PRELID2: variants seen among roughly 807,000 people sequenced by gnomAD.
PRELID2 encodes PRELI domain containing 2, also known as PRELI domain-containing protein 2.
PRELID2 carries 25 observed loss-of-function variants against 28.4 expected under a neutral mutation model. That is an observed-to-expected ratio of 0.88 (90% CI 0.64 to 1.23). The LOEUF is 1.23. Among genes scored for constraint, PRELID2 ranks in the 50% most tolerant of loss-of-function variants. PRELID2 has a pLI of 0.00. For synonymous variants in PRELID2, 76 were observed against 71.6 expected, an observed-to-expected ratio of 1.06 and a Z score of -0.31; for missense variants, 201 against 214.4, an observed-to-expected ratio of 0.94 and a Z score of 0.39.
the PRELID2 span, among the ~76,000 whole-genome samples, chr5:145,319,890 A>G: frequency 6.6e-6 from 1 of 152,158 alleles, no homozygotes; most frequent in Admixed American, 6.5e-5. Context: ...TACTTTGTTT[A>G]TCACCTCTGC....
At chr5:145,393,804 C>G in the PRELID2 span, among the ~76,000 whole-genome samples, 3 of 152,116 alleles carry the variant, frequency 2.0e-5, no homozygotes, top group Admixed American at 1.3e-4. Flanking sequence ...AAATTTAATT[C>G]AATTTAACAG....
chr5:145,509,632 T>A (rs1037404967), intron 1 of PRELID2, among the ~76,000 whole-genome samples: 1 of 152,230 alleles, frequency 6.6e-6, no homozygotes, highest in Non-Finnish European at 1.5e-5. Context: ...ATTACTGTGT[T>A]GATAATTTCC....
chr5:145,474,052 A>G (rs142032805), intron 1 of PRELID2, among the ~76,000 whole-genome samples: 222 of 152,316 alleles, frequency 1.5e-3, no homozygotes, highest in African/African-American at 5.3e-3. Flanking sequence ...GGAAAAACCA[A>G]TATCAACTTC....
chr5:145,783,420 C>T (rs1408142451), intron 5 of PRELID2, among the ~76,000 whole-genome samples: 1 of 152,198 alleles, frequency 6.6e-6, no homozygotes. Flanking sequence ...CAGACGAAAA[C>T]TCTAGAGGTA....
chr5:145,568,780 A>C (rs773612467), intron 1 of PRELID2, among the ~76,000 whole-genome samples: 5 of 152,138 alleles, frequency 3.3e-5, no homozygotes, highest in Non-Finnish European at 7.4e-5. Context: ...GCAGCCAATC[A>C]TTTCCTGCAT....
chr5:145,550,557 G>A (rs1159352079), intron 1 of PRELID2, among the ~76,000 whole-genome samples: 3 of 152,146 alleles, frequency 2.0e-5, no homozygotes, highest in African/African-American at 7.2e-5. Flanking sequence ...CTGGGCAACA[G>A]AGTGAGACCT....
intron 1 of PRELID2, among the ~76,000 whole-genome samples, chr5:145,651,563 A>G (rs1437177933): frequency 6.6e-6 from 1 of 152,206 alleles, no homozygotes; most frequent in African/African-American, 2.4e-5. Context: ...TGAAGCTTCC[A>G]GAGGAATGAT....
intron 1 of PRELID2, among the ~76,000 whole-genome samples, chr5:145,689,144 C>T (rs1755095315): frequency 1.3e-5 from 2 of 152,024 alleles, no homozygotes; most frequent in Admixed American, 1.3e-4. Flanking sequence ...AGATCAAGCC[C>T]AAACCTCTGA....
At chr5:145,295,362 G>T in the PRELID2 span, among the ~76,000 whole-genome samples, 2 of 152,038 alleles carry the variant, frequency 1.3e-5, no homozygotes, top group African/African-American at 4.8e-5. Flanking sequence ...TAAGTAGGAG[G>T]GTGGTTTAAG....
chr5:145,611,351 A>T (rs1753614077), intron 1 of PRELID2, among the ~76,000 whole-genome samples: 1 of 152,118 alleles, frequency 6.6e-6, no homozygotes, highest in Non-Finnish European at 1.5e-5. Context: ...TTTAGGGAAG[A>T]CAGGGTTTCA....
At chr5:145,754,346 C>T (rs613805), downstream of PRELID2, 1 of 152,124 alleles carries the variant, frequency 6.6e-6, no homozygotes, top group Admixed American at 6.6e-5. Context: ...ACTGTGCATC[C>T]TATGCTAATT....
At chr5:145,796,592 T>C in intron 4 of PRELID2, 45 bp from the exon 5 acceptor site, 1 of 1,242,056 alleles carries the variant, frequency 8.1e-7, no homozygotes, top group Non-Finnish European at 1.2e-6. Context: ...ATTCTATGCT[T>C]GGATATGTAA....
chr5:145,523,987 C>G (rs1419350959), intron 1 of PRELID2, among the ~76,000 whole-genome samples: 1 of 152,090 alleles, frequency 6.6e-6, no homozygotes, highest in East Asian at 1.9e-4. Flanking sequence ...CTTTCTTATT[C>G]TGCTAACGTC....
chr5:145,323,083 G>A, the PRELID2 span, among the ~76,000 whole-genome samples: 1 of 152,080 alleles, frequency 6.6e-6, no homozygotes. Context: ...CCAATTAAAG[G>A]AGGGCTTCTT....
the PRELID2 span, among the ~76,000 whole-genome samples, chr5:145,235,628 A>AT: frequency 3.1e-4 from 46 of 150,596 alleles, no homozygotes; most frequent in Admixed American, 1.6e-3. Context: ...ACCCAAGATT[A>AT]TTTTTTTTTG....
the PRELID2 span, among the ~76,000 whole-genome samples, chr5:145,421,797 C>T: frequency 7.6e-6 from 1 of 131,802 alleles, no homozygotes; most frequent in East Asian, 2.1e-4. Flanking sequence ...TTTGCTCTTG[C>T]TTTTCTAGTT....
At chr5:145,397,565 A>G in the PRELID2 span, among the ~76,000 whole-genome samples, 31 of 152,218 alleles carry the variant, frequency 2.0e-4, no homozygotes. Flanking sequence ...TGTTTTGACA[A>G]TGCTTCTGCA....
intron 1 of PRELID2, among the ~76,000 whole-genome samples, chr5:145,495,851 C>T (rs13165469): frequency 0.2 from 30,824 of 151,970 alleles, 3,197 homozygotes; most frequent in South Asian, 0.36. Context: ...TTCAATTCCC[C>T]TGGGTTTTGC....
At chr5:145,431,763 T>C in the PRELID2 span, among the ~76,000 whole-genome samples, 3 of 152,186 alleles carry the variant, frequency 2.0e-5, no homozygotes, top group Admixed American at 2.0e-4. Flanking sequence ...TGAAAGGGAC[T>C]AAAGAGATAA....
Sources: allele counts gnomAD v4.1 joint callset (sites outside exome capture counted in the v4.1 genomes callset), GRCh38; gene constraint gnomAD v4.1.1; transcripts MANE v1.5; gene names NCBI Gene and HGNC (gene_info 2026-07-23, HGNC 2026-07-21).